EFNA5: variants seen among roughly 807,000 people sequenced by gnomAD.
The protein encoded by EFNA5 is ephrin A5, also known as ephrin-A5.
In EFNA5, 5 loss-of-function variants were observed where a neutral mutation model predicts 22.9. That is an observed-to-expected ratio of 0.22 (90% confidence interval 0.11 to 0.46). The LOEUF (loss-of-function observed/expected upper bound fraction) is 0.46. EFNA5 is among the 20% of genes least tolerant of loss of function. EFNA5 has a pLI of 0.99. For missense variants in EFNA5, 237 were observed against 293.3 expected (o/e 0.81, Z 1.40); for synonymous variants, 113 against 112.2 (o/e 1.01, Z -0.04).
At chr5:107,404,266 T>G (rs1233745397) in intron 2 of EFNA5, among the ~76,000 whole-genome samples, 3 of 152,234 alleles carry the variant, frequency 2.0e-5, no homozygotes, top group Non-Finnish European at 4.4e-5. Context: ...TGGTTACACA[T>G]GATCGTTTTT....
rs558065632 is a variant in EFNA5, at chr5:107,400,482, T to G, written c.419-12711A>C. 1.6e-3 allele frequency among the ~76,000 whole-genome samples: 240 copies of G among 152,302 alleles called. 1 individual carries two copies. The highest frequency in any genetic ancestry group is 4.6e-3 in the Admixed American group (71 of 15,296). ...AGCTATCTCCATGTTTCTCTGGCACTGCATCCAGCTCCCTACTAGTATAAC... is the reference window on the plus strand; with the variant it reads ...AGCTATCTCCATGTTTCTCTGGCACGGCATCCAGCTCCCTACTAGTATAAC... On this transcript the variant is annotated intron_variant, in intron 2 of 4. Coordinates refer to ENST00000333274, the MANE Select transcript of EFNA5 (RefSeq NM_001962.3).
chr5:107,656,637 A>G (rs1309198560), intron 1 of EFNA5, among the ~76,000 whole-genome samples: 1 of 152,028 alleles, frequency 6.6e-6, no homozygotes, highest in African/African-American at 2.4e-5. Flanking sequence ...TTCCCCCCCA[A>G]TTTATTGAAG....
chr5:107,660,215 T>TG (rs1228173111), intron 1 of EFNA5, among the ~76,000 whole-genome samples: 1 of 135,976 alleles, frequency 7.4e-6, no homozygotes, highest in Non-Finnish European at 1.6e-5. Flanking sequence ...GCAACCACAG[T>TG]GGGAACACTG....
intron 1 of EFNA5, among the ~76,000 whole-genome samples, chr5:107,569,515 ATGTG>A: frequency 7.4e-6 from 1 of 135,498 alleles, no homozygotes; most frequent in South Asian, 2.2e-4. Flanking sequence ...ATATTTATAT[ATGTG>A]TGTATATATA....
chr5:107,521,477 T>TATA (rs1491511875), intron 1 of EFNA5, among the ~76,000 whole-genome samples: 1 of 92,762 alleles, frequency 1.1e-5, no homozygotes, highest in Non-Finnish European at 2.0e-5. Context: ...TATATATATA[T>TATA]TTTTTTTTTT....
chr5:107,525,685 C>T (rs1201000685), intron 1 of EFNA5, among the ~76,000 whole-genome samples: 1 of 152,094 alleles, frequency 6.6e-6, no homozygotes, highest in Admixed American at 6.6e-5. Context: ...TCATTCTCAT[C>T]ATCTTCATCA....
chr5:107,437,344 T>C (rs1749140401), intron 1 of EFNA5, among the ~76,000 whole-genome samples: 1 of 152,214 alleles, frequency 6.6e-6, no homozygotes, highest in Non-Finnish European at 1.5e-5. Flanking sequence ...AATTGGCACG[T>C]GCAAGGTAAT....
At chr5:107,610,307 G>A (rs975723019) in intron 1 of EFNA5, among the ~76,000 whole-genome samples, 1 of 152,216 alleles carries the variant, frequency 6.6e-6, no homozygotes, top group East Asian at 1.9e-4. Flanking sequence ...ATATCATGAG[G>A]GGAGCATTTA....
intron 1 of EFNA5, among the ~76,000 whole-genome samples, chr5:107,632,501 A>C (rs12187753): frequency 0.38 from 56,924 of 151,786 alleles, 10,923 homozygotes; most frequent in South Asian, 0.53. Flanking sequence ...TTACTTTTTT[A>C]CTCTTTAACA....
At chr5:107,429,086 C>A (rs913566001) in intron 1 of EFNA5, among the ~76,000 whole-genome samples, 1 of 152,134 alleles carries the variant, frequency 6.6e-6, no homozygotes, top group South Asian at 2.1e-4. Flanking sequence ...AAATGCAGCA[C>A]CCGAACATAA....
intron 1 of EFNA5, among the ~76,000 whole-genome samples, chr5:107,552,540 C>T (rs1285044077): frequency 2.0e-5 from 3 of 152,170 alleles, no homozygotes; most frequent in African/African-American, 7.2e-5. Context: ...GTTAACCATT[C>T]TTACCATTCC....
At chr5:107,400,995 C>A (rs252809) in intron 2 of EFNA5, among the ~76,000 whole-genome samples, 79,010 of 151,994 alleles carry the variant, frequency 0.52, 22,034 homozygotes, top group Non-Finnish European at 0.64. Flanking sequence ...TGATAAATTA[C>A]AATTATAACT....
At chr5:107,641,055 G>A (rs1171411561) in intron 1 of EFNA5, among the ~76,000 whole-genome samples, 1 of 152,008 alleles carries the variant, frequency 6.6e-6, no homozygotes, top group African/African-American at 2.4e-5. Flanking sequence ...TAGATAGAAT[G>A]TATGGATATG....
chr5:107,451,969 C>T (rs1437051033), intron 1 of EFNA5, among the ~76,000 whole-genome samples: 1 of 152,082 alleles, frequency 6.6e-6, no homozygotes, highest in Non-Finnish European at 1.5e-5. Context: ...GACATGGAAC[C>T]AACTCAAAGG....
intron 1 of EFNA5, among the ~76,000 whole-genome samples, chr5:107,580,217 T>C (rs531531816): frequency 1.1e-4 from 17 of 152,338 alleles, no homozygotes; most frequent in Non-Finnish European, 2.1e-4. Flanking sequence ...CAAGACCTTA[T>C]GAACACTGAA....
chr5:107,422,401 G>GA (rs1348954263), intron 2 of EFNA5, among the ~76,000 whole-genome samples: 2 of 152,198 alleles, frequency 1.3e-5, no homozygotes, highest in Non-Finnish European at 2.9e-5. Flanking sequence ...AGTGCCTGAG[G>GA]AAAAATAAAG....
At chr5:107,608,468 T>C (rs1749764704) in intron 1 of EFNA5, among the ~76,000 whole-genome samples, 1 of 152,256 alleles carries the variant, frequency 6.6e-6, no homozygotes, top group Non-Finnish European at 1.5e-5. Flanking sequence ...ATGCAGACAC[T>C]TTCAAATGTT....
chr5:107,533,184 G>A (rs1747856334), intron 1 of EFNA5, among the ~76,000 whole-genome samples: 1 of 152,110 alleles, frequency 6.6e-6, no homozygotes, highest in Admixed American at 6.6e-5. Flanking sequence ...ACTTTCTATT[G>A]ATCAGGGCTC....
At chr5:107,399,318 C>CGGAAAGGAAATGAAAGGAAAGGAAA (rs1748020656) in intron 2 of EFNA5, among the ~76,000 whole-genome samples, 1 of 94,570 alleles carries the variant, frequency 1.1e-5, no homozygotes, top group African/African-American at 4.6e-5. Flanking sequence ...AGGAAGGAAA[C>CGGAAAGGAAATGAAAGGAAAGGAAA]GGAAAGGAAA....
Sources: allele counts gnomAD v4.1 joint callset (sites outside exome capture counted in the v4.1 genomes callset), GRCh38; gene constraint gnomAD v4.1.1; transcripts MANE v1.5; gene names NCBI Gene and HGNC (gene_info 2026-07-23, HGNC 2026-07-21).